The following LRMDA variants were observed in gnomAD, a reference collection of about 807,000 sequenced individuals.
The protein encoded by LRMDA is leucine-rich melanocyte differentiation-associated protein.
Under a neutral mutation model 29.8 loss-of-function variants are expected in LRMDA, and 18 were observed. The observed-to-expected ratio is 0.60, with a 90% CI of 0.42 to 0.90. LRMDA has a LOEUF of 0.90. Ranked by LOEUF, LRMDA falls within the 40% of genes least tolerant of loss-of-function variation. LRMDA has a pLI of 0.00. For synonymous variants in LRMDA, 125 were observed against 109.4 expected, an observed-to-expected ratio of 1.14 and a Z score of -0.89; for missense variants, 273 against 273.9, an observed-to-expected ratio of 1.00 and a Z score of 0.02.
intron 5 of LRMDA, among the ~76,000 whole-genome samples, chr10:76,294,563 A>T (rs1212856263): frequency 6.6e-6 from 1 of 152,186 alleles, no homozygotes; most frequent in African/African-American, 2.4e-5. Flanking sequence ...AGGAGCTGGA[A>T]AAAGGCCTTT....
intron 6 of LRMDA, among the ~76,000 whole-genome samples, chr10:76,379,382 T>A (rs946171199): frequency 6.6e-6 from 1 of 152,106 alleles, no homozygotes; most frequent in Non-Finnish European, 1.5e-5. Flanking sequence ...GTTAGGAGAT[T>A]TTTTACTACT....
chr10:76,263,901 C>G (rs966503418), intron 5 of LRMDA, among the ~76,000 whole-genome samples: 18 of 152,120 alleles, frequency 1.2e-4, no homozygotes, highest in Admixed American at 2.0e-4. Context: ...TCTATTCAAC[C>G]ATCTAAAACT....
At chr10:75,432,765 A>G (rs1264269289) in intron 1 of LRMDA, among the ~76,000 whole-genome samples, 1 of 152,212 alleles carries the variant, frequency 6.6e-6, no homozygotes, top group Admixed American at 6.5e-5. Context: ...CTACAGATGC[A>G]GTGAGGGCCA....
intron 6 of LRMDA, among the ~76,000 whole-genome samples, chr10:76,390,579 C>T (rs1273146657): frequency 6.6e-6 from 1 of 152,076 alleles, no homozygotes; most frequent in Admixed American, 6.6e-5. Context: ...CAGTATGTAC[C>T]TGTGTAGCCA....
At chr10:75,669,866 C>T (rs1045187216) in intron 2 of LRMDA, among the ~76,000 whole-genome samples, 2 of 152,266 alleles carry the variant, frequency 1.3e-5, no homozygotes, top group Admixed American at 1.3e-4. Flanking sequence ...AATCCAAAGA[C>T]TGTTCTTGAT....
chr10:75,527,821 A>G (rs1320878394), intron 2 of LRMDA, among the ~76,000 whole-genome samples: 1 of 150,594 alleles, frequency 6.6e-6, no homozygotes, highest in Non-Finnish European at 1.5e-5. Context: ...GCAGTGGCAC[A>G]ATTTTGGCTG....
At chr10:76,526,488 G>T (rs1843175623) in intron 6 of LRMDA, among the ~76,000 whole-genome samples, 2 of 152,094 alleles carry the variant, frequency 1.3e-5, no homozygotes, top group South Asian at 2.1e-4. Context: ...GCTTCCTAAA[G>T]ATGTCTGTCT....
At chr10:76,393,894 C>T (rs1169070445) in intron 6 of LRMDA, among the ~76,000 whole-genome samples, 1 of 152,044 alleles carries the variant, frequency 6.6e-6, no homozygotes, top group Non-Finnish European at 1.5e-5. Context: ...TCAGTTTTCC[C>T]AACATTGTTT....
chr10:75,901,518 A>T (rs1845672416), intron 2 of LRMDA, among the ~76,000 whole-genome samples: 3 of 152,232 alleles, frequency 2.0e-5, no homozygotes, highest in Admixed American at 2.0e-4. Context: ...TTTCCAAATA[A>T]TACAACTTGT....
chr10:76,436,724 C>T (rs528110616), intron 6 of LRMDA, among the ~76,000 whole-genome samples: 4 of 152,320 alleles, frequency 2.6e-5, no homozygotes, highest in South Asian at 2.1e-4. Context: ...CTGTCTTGGA[C>T]GTCCATTCAC....
At chr10:75,546,656 T>A (rs1840084713) in intron 2 of LRMDA, among the ~76,000 whole-genome samples, 1 of 152,204 alleles carries the variant, frequency 6.6e-6, no homozygotes, top group Non-Finnish European at 1.5e-5. Flanking sequence ...TGCATTGGAA[T>A]TATAAGCAAG....
chr10:76,098,281 T>G (rs984632461), intron 5 of LRMDA, among the ~76,000 whole-genome samples: 1 of 152,204 alleles, frequency 6.6e-6, no homozygotes, highest in Non-Finnish European at 1.5e-5. Flanking sequence ...ATCTAATGAA[T>G]ATAGATACAT....
chr10:75,674,743 T>C (rs2132147064), intron 2 of LRMDA, among the ~76,000 whole-genome samples: 1 of 152,314 alleles, frequency 6.6e-6, no homozygotes, highest in South Asian at 2.1e-4. Context: ...TTTGCTTTTA[T>C]TAATTCTGCA....
At chr10:75,573,406 G>A (rs1840461607) in intron 2 of LRMDA, among the ~76,000 whole-genome samples, 2 of 151,604 alleles carry the variant, frequency 1.3e-5, no homozygotes, top group Non-Finnish European at 2.9e-5. Context: ...TTCTTTTCTG[G>A]AATTCCTATT....
At chr10:76,262,283 G>C (rs550233619) in intron 5 of LRMDA, among the ~76,000 whole-genome samples, 121 of 152,188 alleles carry the variant, frequency 8.0e-4, no homozygotes, top group African/African-American at 2.6e-3. Context: ...GAATCACCGG[G>C]GTTCTCAGTG....
chr10:76,422,793 G>T (rs577427429), intron 6 of LRMDA, among the ~76,000 whole-genome samples: 13 of 152,260 alleles, frequency 8.5e-5, no homozygotes, highest in Non-Finnish European at 1.8e-4. Flanking sequence ...TACCCCTGGG[G>T]CATCTACCCC....
rs185104594 is a variant in LRMDA at position 75,937,016 on chromosome 10, T to C, written c.132-98992T>C. ...ACCCTCAATATTATAAAATCATCCTTCTGTTTACTGGGTAAAAATGATGAC... is the reference window on the plus strand; with the variant it reads ...ACCCTCAATATTATAAAATCATCCTCCTGTTTACTGGGTAAAAATGATGAC... On this transcript the variant is annotated intron_variant, in intron 2 of 6. Transcript: ENST00000611255. Among the ~76,000 whole-genome samples the C allele has an allele frequency of 2.3e-3, 349 of 152,322 alleles. 2 individuals are homozygous for C. The highest frequency in any genetic ancestry group is 8.1e-3 in the African/African-American group (337 of 41,566).
chr10:76,044,293 G>A (rs1366238935), intron 3 of LRMDA, among the ~76,000 whole-genome samples: 13 of 152,042 alleles, frequency 8.6e-5, no homozygotes, highest in Admixed American at 8.5e-4. Flanking sequence ...TCCAGGCCTG[G>A]GGTACTCTAC....
intron 2 of LRMDA, among the ~76,000 whole-genome samples, chr10:75,962,866 T>C (rs2132430655): frequency 6.6e-6 from 1 of 152,312 alleles, no homozygotes; most frequent in East Asian, 1.9e-4. Context: ...TTTATTTCTC[T>C]TTCCTAAGGC....
Sources: allele counts gnomAD v4.1 joint callset (sites outside exome capture counted in the v4.1 genomes callset), GRCh38; gene constraint gnomAD v4.1.1; transcripts MANE v1.5; gene names NCBI Gene and HGNC (gene_info 2026-07-23, HGNC 2026-07-21).